ATXN10: variants seen among roughly 807,000 people sequenced by gnomAD.
ATXN10 encodes ataxin-10.
ATXN10 carries 28 observed loss-of-function variants against 52.9 expected under a neutral mutation model. The ratio of observed to expected loss-of-function variants is 0.53; its 90% CI spans 0.39 to 0.73. The LOEUF is 0.73. Among genes scored for constraint, ATXN10 ranks in the 30% least tolerant of loss-of-function variants. ATXN10 has a pLI of 0.00. For missense variants in ATXN10, 565 were observed against 577.0 expected (o/e 0.98, Z 0.21); for synonymous variants, 226 against 221.5 (o/e 1.02, Z -0.18).
chr22:45,794,756 A>G (rs1485580033), intron 9 of ATXN10, among the ~76,000 whole-genome samples: 3 of 152,258 alleles, frequency 2.0e-5, no homozygotes, highest in Admixed American at 1.3e-4. Context: ...GTCAAAAAAA[A>G]GAAGGTAAAA....
chr22:45,734,227 A>G (rs576054352), intron 7 of ATXN10, among the ~76,000 whole-genome samples: 1 of 152,330 alleles, frequency 6.6e-6, no homozygotes, highest in African/African-American at 2.4e-5. Context: ...AGAGATTTCT[A>G]AGTTGCACAT....
chr22:45,743,964 GCAGGACTT>G (rs1444381373), intron 9 of ATXN10, among the ~76,000 whole-genome samples: 2 of 152,086 alleles, frequency 1.3e-5, no homozygotes, highest in African/African-American at 4.8e-5. Flanking sequence ...TAGACTTCCT[GCAGGACTT>G]CAGGCTGGAG....
intron 1 of ATXN10, chr22:45,676,756 G>C (rs1238909481): frequency 6.6e-6 from 1 of 152,324 alleles, no homozygotes; most frequent in African/African-American, 2.4e-5. Flanking sequence ...TGGGATTACA[G>C]GCATGAGCCA....
At chr22:45,788,505 G>C (rs1176317489) in intron 9 of ATXN10, among the ~76,000 whole-genome samples, 1 of 151,592 alleles carries the variant, frequency 6.6e-6, no homozygotes, top group Non-Finnish European at 1.5e-5. Flanking sequence ...CTTCAGGCCT[G>C]CATCACCTTT....
chr22:45,750,956 A>G lies in ATXN10; in HGVS notation c.1173+10418A>G, dbSNP rs1374949695. ...ACTTTCCTGTTTTTTTTTGAGACAG[A>G]GTCTTGCTTTGTTGCCCAGGCTGGA... On this transcript the variant is annotated intron_variant, in intron 9 of 11. Transcript: ENST00000252934. The surrounding 1 kb of genome is among the most constrained non-coding windows in gnomAD (Gnocchi z 4.2). 6.6e-6 allele frequency among the ~76,000 whole-genome samples: 1 copy of G among 151,086 alleles called. No homozygotes were observed. The highest frequency in any genetic ancestry group is 2.4e-5 in the African/African-American group (1 of 41,088).
intron 9 of ATXN10, among the ~76,000 whole-genome samples, chr22:45,778,941 A>G (rs1927052799): frequency 6.6e-6 from 1 of 152,206 alleles, no homozygotes; most frequent in African/African-American, 2.4e-5. Context: ...GGTGAGTGGA[A>G]TGGATACAGA....
In ATXN10 at chr22:45,840,516, G is replaced by A. The variant is rs935845652; in HGVS notation, c.1238-2475G>A. 2.6e-5 allele frequency among the ~76,000 whole-genome samples: 4 copies of A among 152,190 alleles called. No individual in the cohort carries two copies. Among genetic ancestry groups the A allele is most frequent in the African/African-American group, 7.2e-5 (3 of 41,436 alleles). ...GAAGCACATCCCAGGTCAGGGATTCGTGTGTGCAGAGACAGAGGGGAGGCC... is the reference window on the plus strand; with the variant it reads ...GAAGCACATCCCAGGTCAGGGATTCATGTGTGCAGAGACAGAGGGGAGGCC... On this transcript the variant is annotated intron_variant, in intron 10 of 11. Transcript: ENST00000252934. The surrounding 1 kb of genome is among the most constrained non-coding windows in gnomAD (Gnocchi z 5.8).
chr22:45,711,121 C>T (rs1326980174), intron 5 of ATXN10, among the ~76,000 whole-genome samples: 1 of 151,998 alleles, frequency 6.6e-6, no homozygotes, highest in African/African-American at 2.4e-5. Context: ...TAAAATGTTA[C>T]ATGTCTACCC....
At chr22:45,702,642 A>C in intron 4 of ATXN10, 47 bp from the exon 5 acceptor site, 3 of 1,598,090 alleles carry the variant, frequency 1.9e-6, no homozygotes, top group Non-Finnish European at 2.6e-6. Flanking sequence ...TTTGTGTTTT[A>C]TCATGTTACT....
In ATXN10 at chr22:45,832,914, G is replaced by GACC. The variant is rs1929039699; in HGVS notation, c.1238-10074_1238-10072dup. ...TTTTAGAACTAAGTGTCACCAGCATGACCACTTGGCTTTTAAATAGTCTAA... is the reference window on the plus strand; with the variant it reads ...TTTTAGAACTAAGTGTCACCAGCATGACCACCACTTGGCTTTTAAATAGTCTAA... On this transcript the variant is annotated intron_variant, in intron 10 of 11. Transcript: ENST00000252934. 2.0e-5 allele frequency among the ~76,000 whole-genome samples: 3 copies of GACC among 152,198 alleles called. 1 individual carries two copies. In the South Asian group the frequency reaches 6.2e-4, roughly 32 times the overall value.
intron 9 of ATXN10, among the ~76,000 whole-genome samples, chr22:45,798,853 G>T (rs1332776757): frequency 4.6e-5 from 7 of 152,070 alleles, no homozygotes; most frequent in Non-Finnish European, 1.0e-4. Context: ...ATAATAATAA[G>T]AAAAAATTTA....
Position 45,843,067 on chromosome 22 carries a change from G to T in ATXN10, c.1314G>T (p.Lys438Asn), listed in dbSNP as rs1601681942. 1 of 1,614,208 alleles carries T rather than the reference G, an allele frequency of 6.2e-7. No individual in the cohort carries two copies. Among genetic ancestry groups the T allele is most frequent in the Non-Finnish European group, 8.5e-7 (1 of 1,180,044 alleles). ...GCCAAAACCAAGATTTGATTGCAAAGATGGAGGAACAGGGGCTGGCAGATG... is the reference window on the plus strand; with the variant it reads ...GCCAAAACCAAGATTTGATTGCAAATATGGAGGAACAGGGGCTGGCAGATG... ...DNSQNQDLIA[K>N]MEEQGLADAS... Residue 438 changes from lysine to asparagine, a missense_variant, in exon 11 of 12, where the codon AAG (lysine) becomes AAT (asparagine). Lys to Asn is a moderately conservative substitution (Grantham distance 94). Transcript: ENST00000252934. The surrounding 1 kb of genome is among the most constrained non-coding windows in gnomAD (Gnocchi z 4.5).
chr22:45,689,216 A>G (rs1233388634), intron 1 of ATXN10, among the ~76,000 whole-genome samples: 1 of 152,208 alleles, frequency 6.6e-6, no homozygotes, highest in Non-Finnish European at 1.5e-5. Context: ...TTAGCTACAT[A>G]TTGGGTGACA....
chr22:45,792,776 C>T, intron 9 of ATXN10: 2 of 496,184 alleles, frequency 4.0e-6, no homozygotes, highest in Non-Finnish European at 8.2e-6. Flanking sequence ...AAATCGTCAA[C>T]CTCCAATCCA....
At chr22:45,836,984 T>G (rs1929187729) in intron 10 of ATXN10, among the ~76,000 whole-genome samples, 1 of 152,216 alleles carries the variant, frequency 6.6e-6, no homozygotes, top group Admixed American at 6.5e-5. Flanking sequence ...GTTCTAATTG[T>G]GCGCCCCTCC....
rs1458608235 is a variant in ATXN10, at chr22:45,841,471, G to A, written c.1238-1520G>A. Among the ~76,000 whole-genome samples, 5 of 152,194 alleles carry A rather than the reference G, an allele frequency of 3.3e-5. No homozygotes were observed. The highest frequency in any genetic ancestry group is 4.8e-5 in the African/African-American group (2 of 41,454). On this transcript the variant is annotated intron_variant, in intron 10 of 11. Transcript: ENST00000252934. The surrounding 1 kb of genome is among the most constrained non-coding windows in gnomAD (Gnocchi z 5.1). Reference sequence around the variant, plus strand: ...GAGGCCCAAGGCCCCAGGAACACACGACCACAGCTGTGGAGGAGCTGGGAG... The same window carrying A: ...GAGGCCCAAGGCCCCAGGAACACACAACCACAGCTGTGGAGGAGCTGGGAG...
rs764124901 is a variant in ATXN10 at position 45,759,132 on chromosome 22, A to G, written c.1173+18594A>G. Among the ~76,000 whole-genome samples, 1 of 152,338 alleles carries G rather than the reference A, an allele frequency of 6.6e-6. No homozygotes were observed. The highest frequency in any genetic ancestry group is 2.1e-4 in the South Asian group (1 of 4,830). On this transcript the variant is annotated intron_variant, in intron 9 of 11. Coordinates refer to ENST00000252934, the MANE Select transcript of ATXN10 (RefSeq NM_013236.4). The surrounding 1 kb of genome is among the most constrained non-coding windows in gnomAD (Gnocchi z 5.4). Reference sequence around the variant, plus strand: ...AAGAGCACACTGTGTGCCAAGCATTATGCGAGGTGCTGGAGAGAAGGAAGG... The same window carrying G: ...AAGAGCACACTGTGTGCCAAGCATTGTGCGAGGTGCTGGAGAGAAGGAAGG...
In ATXN10 at chr22:45,712,811, C is replaced by CT. The variant is rs1293569931; in HGVS notation, c.648-5598dup. On this transcript the variant is annotated intron_variant, in intron 5 of 11. Transcript: ENST00000252934. This position sits in a 1 kb window ranked among gnomAD's most constrained non-coding sequence, Gnocchi z 4.6. ...AACCCGTTGGAAATGTTATTTAACT[C>CT]TTTTAACAGGAGAAGGGAGGTTATT... 6.6e-6 allele frequency among the ~76,000 whole-genome samples: 1 copy of CT among 152,098 alleles called. No individual in the cohort carries two copies. The highest frequency in any genetic ancestry group is 1.5e-5 in the Non-Finnish European group (1 of 68,028).
rs150582036 is a variant in ATXN10, at chr22:45,805,539, C to T, written c.1174-1420C>T. Among the ~76,000 whole-genome samples, 346 of 152,264 alleles carry T rather than the reference C, an allele frequency of 2.3e-3. 1 individual carries two copies. Among genetic ancestry groups the T allele is most frequent in the Non-Finnish European group, 4.0e-3 (271 of 68,040 alleles). ...TACTCAGCCGTGAAAAGAAATGAAG[C>T]GCTGACATGCCACAACATGGGTGAA... is the stretch of plus-strand genomic sequence containing the variant. On this transcript the variant is annotated intron_variant, in intron 9 of 11. Transcript: ENST00000252934. This position sits in a 1 kb window ranked among gnomAD's most constrained non-coding sequence, Gnocchi z 4.4.
Sources: gnomAD v4.1 joint callset for allele counts (sites outside exome capture counted in the v4.1 genomes callset) on GRCh38, gnomAD v4.1.1 for gene constraint, Gnocchi (gnomAD v3.1) non-coding constraint, MANE v1.5 for transcripts, NCBI Gene and HGNC (gene_info 2026-07-23, HGNC 2026-07-21) for gene names.